The following PRKAR2B variants were observed in gnomAD, a reference collection of about 807,000 sequenced individuals.
PRKAR2B encodes the protein cAMP-dependent protein kinase type II-beta regulatory subunit.
PRKAR2B carries 14 observed loss-of-function variants against 49.9 expected under a neutral mutation model. The ratio of observed to expected loss-of-function variants is 0.28; its 90% CI spans 0.19 to 0.44. The LOEUF (loss-of-function observed/expected upper bound fraction) is 0.44. Ranked by LOEUF, PRKAR2B falls within the 20% of genes least tolerant of loss-of-function variation. The pLI, the probability that PRKAR2B is intolerant of heterozygous loss-of-function variation, is 1.00. For synonymous variants in PRKAR2B, 196 were observed against 197.7 expected, an observed-to-expected ratio of 0.99 and a Z score of 0.07; for missense variants, 393 against 537.9, an observed-to-expected ratio of 0.73 and a Z score of 2.67.
intron 2 of PRKAR2B, among the ~76,000 whole-genome samples, chr7:107,102,605 G>A (rs1166946786): frequency 6.6e-6 from 1 of 152,100 alleles, no homozygotes; most frequent in Non-Finnish European, 1.5e-5. Flanking sequence ...CCAATTTTGG[G>A]GTTCACCAGC....
rs1357784770 is a variant in PRKAR2B at position 107,128,233 on chromosome 7, G to C, written c.418G>C (p.Asp140His). Reference sequence around the variant, plus strand: ...TTAGATTATACATCCAAAAACTGATGATCAAAGAAATAGGTTGCAAGAGGC... The same window carrying C: ...TTAGATTATACATCCAAAAACTGATCATCAAAGAAATAGGTTGCAAGAGGC... ...ESRIIHPKTD[D>H]QRNRLQEACK... Residue 140 changes from aspartate to histidine, a missense_variant, in exon 4 of 11, where the codon GAT (aspartate) becomes CAT (histidine). By Grantham distance (81) the Asp-to-His change is moderately conservative. Around this residue, in one of 2 missense-constraint regions of PRKAR2B, gnomAD observed 233 missense variants for 390.4 expected, o/e 0.60. Coordinates refer to ENST00000265717, the MANE Select transcript of PRKAR2B (RefSeq NM_002736.3). The C allele has an allele frequency of 3.1e-6, 5 of 1,611,958 alleles. No individual in the cohort carries two copies. In the African/African-American group the frequency reaches 4.0e-5, roughly 13 times the overall value.
intron 2 of PRKAR2B, among the ~76,000 whole-genome samples, chr7:107,080,461 C>T (rs1189066985): frequency 6.6e-6 from 1 of 152,092 alleles, no homozygotes; most frequent in African/African-American, 2.4e-5. Flanking sequence ...ATTACCATTG[C>T]CAGGGACTAC....
rs3074837 is a variant in PRKAR2B at position 107,066,301 on chromosome 7, GGT to G, written c.308-3949_308-3948del. On this transcript the variant is annotated intron_variant, in intron 1 of 10. Transcript: ENST00000265717. ...AGTCTCTAGTTTTCTCTCTATGTGG[GGT>G]GTGTGTGTGTGTGTGTGTGTGTGTG... is the stretch of plus-strand genomic sequence containing the variant. Among the ~76,000 whole-genome samples the G allele has an allele frequency of 6.8e-3, 994 of 145,408 alleles. 5 individuals carry two copies. Among genetic ancestry groups the G allele is most frequent in the Middle Eastern group, 0.024 (7 of 294 alleles).
At chr7:107,066,022 G>C (rs1794129788) in intron 1 of PRKAR2B, among the ~76,000 whole-genome samples, 1 of 152,192 alleles carries the variant, frequency 6.6e-6, no homozygotes, top group African/African-American at 2.4e-5. Flanking sequence ...GTGGAATATA[G>C]TTTGGCAACA....
intron 1 of PRKAR2B, among the ~76,000 whole-genome samples, chr7:107,052,637 C>A (rs1371783092): frequency 6.6e-6 from 1 of 152,116 alleles, no homozygotes. Context: ...GGTTTATACA[C>A]TTCATTTCAG....
intron 1 of PRKAR2B, among the ~76,000 whole-genome samples, chr7:107,051,080 GAGAC>G (rs1231746571): frequency 6.6e-6 from 1 of 152,182 alleles, no homozygotes; most frequent in Admixed American, 6.5e-5. Context: ...GGGCAGGTGA[GAGAC>G]AGAGAAGTTC....
At chr7:107,119,287 C>T (rs944868294) in intron 2 of PRKAR2B, among the ~76,000 whole-genome samples, 6 of 152,170 alleles carry the variant, frequency 3.9e-5, no homozygotes, top group Non-Finnish European at 8.8e-5. Flanking sequence ...TGCACCACCT[C>T]GTTGAATGTG....
intron 2 of PRKAR2B, among the ~76,000 whole-genome samples, chr7:107,085,126 G>A (rs1005265263): frequency 1.3e-5 from 2 of 152,100 alleles, no homozygotes; most frequent in Non-Finnish European, 2.9e-5. Flanking sequence ...TGGAATGGAT[G>A]AGACCTGCCC....
At chr7:107,091,098 A>G (rs1447113297) in intron 2 of PRKAR2B, among the ~76,000 whole-genome samples, 1 of 152,150 alleles carries the variant, frequency 6.6e-6, no homozygotes, top group Non-Finnish European at 1.5e-5. Flanking sequence ...ATGCAAAATT[A>G]TTGCATTTTA....
At chr7:107,061,171 G>A (rs1490090766) in intron 1 of PRKAR2B, among the ~76,000 whole-genome samples, 1 of 151,764 alleles carries the variant, frequency 6.6e-6, no homozygotes, top group Non-Finnish European at 1.5e-5. Context: ...ATATGGTATG[G>A]TAACTCTCAC....
intron 2 of PRKAR2B, among the ~76,000 whole-genome samples, chr7:107,079,897 G>A (rs754928570): frequency 2.0e-5 from 3 of 152,192 alleles, no homozygotes; most frequent in Non-Finnish European, 4.4e-5. Context: ...ATTTCTCCAG[G>A]CATGTGTGTA....
chr7:107,133,928 A>G (rs1252363546), intron 4 of PRKAR2B, among the ~76,000 whole-genome samples: 5 of 152,140 alleles, frequency 3.3e-5, no homozygotes, highest in South Asian at 4.1e-4. Context: ...TTTTAGTACT[A>G]TCTTGTATAT....
chr7:107,136,994 G>A (rs944107827), intron 4 of PRKAR2B, among the ~76,000 whole-genome samples: 1 of 152,096 alleles, frequency 6.6e-6, no homozygotes, highest in Non-Finnish European at 1.5e-5. Flanking sequence ...GAAAAGACAT[G>A]GAAGACATGG....
chr7:107,113,284 CCAAAA>C (rs1170544479), intron 2 of PRKAR2B, among the ~76,000 whole-genome samples: 3 of 152,020 alleles, frequency 2.0e-5, no homozygotes, highest in African/African-American at 7.2e-5. Flanking sequence ...AGGTCTCAGG[CCAAAA>C]TAAATGCCAA....
At chr7:107,146,848 A>C (rs1184629137) in intron 6 of PRKAR2B, among the ~76,000 whole-genome samples, 1 of 152,176 alleles carries the variant, frequency 6.6e-6, no homozygotes, top group East Asian at 1.9e-4. Flanking sequence ...GGTCCCCTGA[A>C]CACTGGCAGC....
At chr7:107,151,233 A>G (rs1228307391) in intron 7 of PRKAR2B, among the ~76,000 whole-genome samples, 1 of 152,248 alleles carries the variant, frequency 6.6e-6, no homozygotes, top group Non-Finnish European at 1.5e-5. Context: ...AAAGTAATAC[A>G]TTCCTACCCA....
chr7:107,107,806 C>T (rs548370050), intron 2 of PRKAR2B, among the ~76,000 whole-genome samples: 8 of 152,098 alleles, frequency 5.3e-5, no homozygotes, highest in South Asian at 2.1e-4. Flanking sequence ...TATAGGTGCG[C>T]GCCACCATGC....
chr7:107,107,859 C>T (rs1223276633), intron 2 of PRKAR2B, among the ~76,000 whole-genome samples: 7 of 152,036 alleles, frequency 4.6e-5, no homozygotes, highest in African/African-American at 1.7e-4. Context: ...GGTTTTACCA[C>T]GTTGGCCAGG....
chr7:107,093,907 A>G (rs1353027676), intron 2 of PRKAR2B, among the ~76,000 whole-genome samples: 1 of 152,038 alleles, frequency 6.6e-6, no homozygotes, highest in East Asian at 1.9e-4. Context: ...AATCCAGTCT[A>G]TTACTGATGG....
Sources: allele counts gnomAD v4.1 joint callset (sites outside exome capture counted in the v4.1 genomes callset), GRCh38; gene constraint gnomAD v4.1.1; regional missense constraint gnomAD v4.1.1; transcripts MANE v1.5; gene names NCBI Gene and HGNC (gene_info 2026-07-23, HGNC 2026-07-21).